The following PTPRO variants were observed in gnomAD, a reference collection of about 807,000 sequenced individuals.
The protein encoded by PTPRO is receptor-type tyrosine-protein phosphatase O.
A neutral mutation model predicts 145.2 loss-of-function variants in PTPRO; 62 were observed. That is an observed-to-expected ratio of 0.43 (90% CI 0.35 to 0.53). The LOEUF is 0.53. PTPRO is among the 20% of genes least tolerant of loss of function. PTPRO has a pLI of 0.01. For missense variants in PTPRO, 1,345 were observed against 1,482.7 expected (o/e 0.91, Z 1.53); for synonymous variants, 565 against 514.7 (o/e 1.10, Z -1.32).
At chr12:15,395,515 T>TA (rs541803921) in intron 1 of PTPRO, among the ~76,000 whole-genome samples, 53 of 149,512 alleles carry the variant, frequency 3.5e-4, no homozygotes, top group East Asian at 5.9e-4. Context: ...ATGTTAATGA[T>TA]AAAAAAAAAA....
intron 1 of PTPRO, among the ~76,000 whole-genome samples, chr12:15,478,094 A>AC (rs1941697950): frequency 6.6e-6 from 1 of 151,880 alleles, no homozygotes; most frequent in Middle Eastern, 3.4e-3. Flanking sequence ...TTGATTCGAC[A>AC]CCCCCTTGGG....
intron 1 of PTPRO, among the ~76,000 whole-genome samples, chr12:15,359,303 A>G (rs1243239882): frequency 6.6e-6 from 1 of 151,910 alleles, no homozygotes; most frequent in Non-Finnish European, 1.5e-5. Context: ...ATTTATTCAG[A>G]CATTGTTTTA....
chr12:15,456,596 CT>C (rs1941184257), intron 1 of PTPRO, among the ~76,000 whole-genome samples: 1 of 152,136 alleles, frequency 6.6e-6, no homozygotes, highest in Admixed American at 6.5e-5. Flanking sequence ...CACCATTTGA[CT>C]TTTCTTTGTT....
chr12:15,568,936 A>ATT (rs1187793467), intron 18 of PTPRO, among the ~76,000 whole-genome samples: 2 of 152,326 alleles, frequency 1.3e-5, no homozygotes, highest in East Asian at 3.9e-4. Context: ...AAAGTTCTTT[A>ATT]TGTACTGTAT....
rs529197305 is a variant in PTPRO, at chr12:15,474,926, G to C, written c.76-9048G>C. Among the ~76,000 whole-genome samples, 55 of 152,320 alleles carry C rather than the reference G, an allele frequency of 3.6e-4. No homozygotes were observed. In the South Asian group the frequency reaches 0.011, roughly 30 times the overall value. ...GCACTGCCTAGATCGCACTTGGCCT[G>C]CTGTCTTCCTCTCATTAGTCGCACC... On this transcript the variant is annotated intron_variant, in intron 1 of 26. Coordinates refer to ENST00000281171, the MANE Select transcript of PTPRO (RefSeq NM_030667.3).
At chr12:15,423,215 T>TGCCCTTCCTGGTCTTCAGATTCCTC (rs1254973472) in intron 1 of PTPRO, among the ~76,000 whole-genome samples, 1 of 152,150 alleles carries the variant, frequency 6.6e-6, no homozygotes, top group Non-Finnish European at 1.5e-5. Flanking sequence ...ATAAATTCCT[T>TGCCCTTCCTGGTCTTCAGATTCCTC]GCCCTTCCTG....
intron 1 of PTPRO, among the ~76,000 whole-genome samples, chr12:15,390,435 C>A (rs1041437021): frequency 1.3e-5 from 2 of 152,118 alleles, no homozygotes; most frequent in Non-Finnish European, 2.9e-5. Context: ...ACAGCTTGTG[C>A]AGGGAAAGTC....
intron 1 of PTPRO, among the ~76,000 whole-genome samples, chr12:15,409,543 G>C (rs1368684169): frequency 1.3e-5 from 2 of 152,038 alleles, no homozygotes; most frequent in Admixed American, 1.3e-4. Flanking sequence ...TTCTTACATT[G>C]CTATAAAGAA....
chr12:15,465,524 G>A (rs1173004248), intron 1 of PTPRO, among the ~76,000 whole-genome samples: 5 of 152,184 alleles, frequency 3.3e-5, no homozygotes, highest in Admixed American at 3.3e-4. Flanking sequence ...CCAATTAGTA[G>A]AGTTGTATGT....
intron 7 of PTPRO, among the ~76,000 whole-genome samples, chr12:15,508,997 A>G (rs1434303765): frequency 6.6e-6 from 1 of 152,176 alleles, no homozygotes; most frequent in Non-Finnish European, 1.5e-5. Context: ...TTCATTCATT[A>G]TTCAAGGGAA....
At chr12:15,451,190 A>T (rs1941036410) in intron 1 of PTPRO, among the ~76,000 whole-genome samples, 1 of 152,134 alleles carries the variant, frequency 6.6e-6, no homozygotes, top group Admixed American at 6.5e-5. Context: ...AGCTATTCTT[A>T]TATAAGACAA....
intron 1 of PTPRO, among the ~76,000 whole-genome samples, chr12:15,421,028 C>A (rs892278258): frequency 6.6e-6 from 1 of 152,192 alleles, no homozygotes; most frequent in African/African-American, 2.4e-5. Context: ...GAACACCCAG[C>A]TTTAGCAATT....
chr12:15,531,336 A>G (rs1400530527), intron 12 of PTPRO, among the ~76,000 whole-genome samples: 1 of 152,206 alleles, frequency 6.6e-6, no homozygotes, highest in East Asian at 1.9e-4. Context: ...AATAGGAAGG[A>G]ATACTTCCAA....
chr12:15,416,669 G>A (rs891108626), intron 1 of PTPRO, among the ~76,000 whole-genome samples: 3 of 150,338 alleles, frequency 2.0e-5, no homozygotes, highest in Non-Finnish European at 4.4e-5. Flanking sequence ...ACAGCCCTCT[G>A]TTAAGAACTG....
intron 1 of PTPRO, among the ~76,000 whole-genome samples, chr12:15,400,427 G>A (rs751721337): frequency 2.0e-4 from 31 of 152,230 alleles, no homozygotes; most frequent in African/African-American, 6.0e-4. Context: ...CAATCTCACC[G>A]TCATTTCTTC....
intron 1 of PTPRO, among the ~76,000 whole-genome samples, chr12:15,407,953 G>GGATTTGATGATAAGGACT (rs1939693031): frequency 6.6e-6 from 1 of 152,106 alleles, no homozygotes; most frequent in East Asian, 1.9e-4. Flanking sequence ...ATGGGATGAG[G>GGATTTGATGATAAGGACT]GATTTGATGA....
At chr12:15,514,535 G>T (rs934508072) in intron 7 of PTPRO, among the ~76,000 whole-genome samples, 4 of 151,548 alleles carry the variant, frequency 2.6e-5, no homozygotes, top group Admixed American at 6.6e-5. Context: ...TTATTTTAGG[G>T]GGCTACAACA....
intron 1 of PTPRO, among the ~76,000 whole-genome samples, chr12:15,416,693 A>G (rs2136320927): frequency 6.8e-6 from 1 of 147,242 alleles, no homozygotes; most frequent in Non-Finnish European, 1.5e-5. Flanking sequence ...AGTTTCTTGT[A>G]TCCTATCAGT....
At chr12:15,522,006 A>G (rs1017776928) in intron 10 of PTPRO, among the ~76,000 whole-genome samples, 1 of 152,186 alleles carries the variant, frequency 6.6e-6, no homozygotes, top group Admixed American at 6.5e-5. Flanking sequence ...CCTGGGTCAA[A>G]TAAATAAGTG....
Sources: gnomAD v4.1 joint callset for allele counts (sites outside exome capture counted in the v4.1 genomes callset) on GRCh38, gnomAD v4.1.1 for gene constraint, MANE v1.5 for transcripts, NCBI Gene and HGNC (gene_info 2026-07-23, HGNC 2026-07-21) for gene names.